Variants in ZCCHC7 observed in about 807,000 individuals in gnomAD.
ZCCHC7 encodes zinc finger CCHC domain-containing protein 7.
Under a neutral mutation model 52.0 loss-of-function variants are expected in ZCCHC7, and 35 were observed. The observed-to-expected ratio is 0.67, with a 90% confidence interval of 0.51 to 0.89. ZCCHC7 has a LOEUF of 0.89. Ranked by LOEUF, ZCCHC7 falls within the 40% of genes least tolerant of loss-of-function variation. ZCCHC7 has a pLI of 0.00. For missense variants in ZCCHC7, 574 were observed against 649.1 expected, an observed-to-expected ratio of 0.88 and a Z score of 1.26; for synonymous variants, 217 against 221.5, an observed-to-expected ratio of 0.98 and a Z score of 0.18.
intron 2 of ZCCHC7, among the ~76,000 whole-genome samples, chr9:37,240,208 A>T (rs1033413007): frequency 6.6e-6 from 1 of 151,940 alleles, no homozygotes; most frequent in Non-Finnish European, 1.5e-5. Flanking sequence ...AACTTTACTT[A>T]CCTTTCCCAT....
At chr9:37,313,118 A>G (rs181575357) in intron 5 of ZCCHC7, among the ~76,000 whole-genome samples, 1 of 152,356 alleles carries the variant, frequency 6.6e-6, no homozygotes, top group East Asian at 1.9e-4. Context: ...TGGAAATAGG[A>G]AAATCAGACT....
At chr9:37,238,418 A>G (rs934395012) in intron 2 of ZCCHC7, among the ~76,000 whole-genome samples, 3 of 151,784 alleles carry the variant, frequency 2.0e-5, no homozygotes, top group Non-Finnish European at 4.4e-5. Flanking sequence ...TTGCTAAGTG[A>G]TTTTTCTTCC....
intron 2 of ZCCHC7, among the ~76,000 whole-genome samples, chr9:37,244,821 C>A (rs561220150): frequency 2.0e-5 from 3 of 151,512 alleles, no homozygotes; most frequent in South Asian, 4.2e-4. Flanking sequence ...TTTTTTAAGT[C>A]AGTAGTGAAG....
chr9:37,159,702 G>A (rs1257901840), intron 2 of ZCCHC7, among the ~76,000 whole-genome samples: 2 of 152,154 alleles, frequency 1.3e-5, no homozygotes, highest in African/African-American at 4.8e-5. Context: ...CCATTTTGAA[G>A]CTACAACAGT....
rs780789628 is a variant in ZCCHC7, at chr9:37,357,290, T to C, written c.*22T>C. The C allele has an allele frequency of 2.6e-5, 41 of 1,558,266 alleles. No individual in the cohort carries two copies. The highest frequency in any genetic ancestry group is 3.4e-5 in the Non-Finnish European group (40 of 1,160,206). ...TTAAGCCGTCAGGCAGCCTCTGATGTGGCTTTTCATTGTTCATTTGGCCTT... is the reference window on the plus strand; with the variant it reads ...TTAAGCCGTCAGGCAGCCTCTGATGCGGCTTTTCATTGTTCATTTGGCCTT... On this transcript the variant is annotated 3_prime_UTR_variant, in exon 9 of 9. Coordinates refer to ENST00000336755, the MANE Select transcript of ZCCHC7 (RefSeq NM_032226.3).
intron 2 of ZCCHC7, among the ~76,000 whole-genome samples, chr9:37,294,020 G>A (rs1828663422): frequency 6.6e-6 from 1 of 152,046 alleles, no homozygotes; most frequent in South Asian, 2.1e-4. Context: ...TGCTTTACTT[G>A]CAAATTCTGC....
chr9:37,193,062 A>G (rs1478187951), intron 2 of ZCCHC7, among the ~76,000 whole-genome samples: 2 of 152,206 alleles, frequency 1.3e-5, no homozygotes, highest in Non-Finnish European at 2.9e-5. Flanking sequence ...TTTTAACCTC[A>G]AATAGAAATG....
chr9:37,138,217 A>G (rs941920835), intron 2 of ZCCHC7, among the ~76,000 whole-genome samples: 1 of 152,186 alleles, frequency 6.6e-6, no homozygotes, highest in African/African-American at 2.4e-5. Context: ...TGAAGTTGTC[A>G]TAGGGAGAGA....
At chr9:37,298,676 T>TTG in intron 2 of ZCCHC7, among the ~76,000 whole-genome samples, 1 of 152,306 alleles carries the variant, frequency 6.6e-6, no homozygotes, top group South Asian at 2.1e-4. Flanking sequence ...ATGGAAATGT[T>TTG]CTACATTTGA....
At chr9:37,265,321 C>A (rs933972079) in intron 2 of ZCCHC7, among the ~76,000 whole-genome samples, 1 of 152,048 alleles carries the variant, frequency 6.6e-6, no homozygotes, top group Admixed American at 6.5e-5. Context: ...GTATTCTTTA[C>A]TTCCTAGGAT....
chr9:37,272,509 A>AG (rs1175342991), intron 2 of ZCCHC7, among the ~76,000 whole-genome samples: 1 of 150,932 alleles, frequency 6.6e-6, no homozygotes, highest in Non-Finnish European at 1.5e-5. Context: ...AAAAAAAAAA[A>AG]AAAAAGAAAG....
At chr9:37,336,594 G>A (rs531384203) in intron 6 of ZCCHC7, among the ~76,000 whole-genome samples, 195 of 152,200 alleles carry the variant, frequency 1.3e-3, no homozygotes, top group Non-Finnish European at 2.3e-3. Flanking sequence ...GCTAATAAAC[G>A]TAATAGAGCT....
At chr9:37,335,549 C>G (rs977638966) in intron 6 of ZCCHC7, among the ~76,000 whole-genome samples, 1 of 152,118 alleles carries the variant, frequency 6.6e-6, no homozygotes, top group African/African-American at 2.4e-5. Flanking sequence ...ACAGACAGAG[C>G]ATGTTAAACA....
chr9:37,302,059 T>A (rs551243782), intron 2 of ZCCHC7, 129 bp from the exon 3 acceptor site: 2 of 724,876 alleles, frequency 2.8e-6, no homozygotes, highest in Admixed American at 2.5e-5. Flanking sequence ...AATAGGAATT[T>A]CAGGTATTCA....
At chr9:37,151,097 T>G (rs1820496097) in intron 2 of ZCCHC7, among the ~76,000 whole-genome samples, 2 of 151,810 alleles carry the variant, frequency 1.3e-5, no homozygotes, top group African/African-American at 2.4e-5. Flanking sequence ...CCCGAGTAGC[T>G]GGGACTACAG....
At chr9:37,295,467 A>T (rs2133658375) in intron 2 of ZCCHC7, among the ~76,000 whole-genome samples, 1 of 152,346 alleles carries the variant, frequency 6.6e-6, no homozygotes, top group East Asian at 1.9e-4. Context: ...TTACTTAAGT[A>T]GCAGTGGAAT....
At chr9:37,175,782 C>A (rs1821991032) in intron 2 of ZCCHC7, among the ~76,000 whole-genome samples, 1 of 152,104 alleles carries the variant, frequency 6.6e-6, no homozygotes, top group Admixed American at 6.5e-5. Flanking sequence ...TTGCCTCATT[C>A]CCCACAAAAT....
chr9:37,343,900 A>T lies in ZCCHC7; in HGVS notation c.988-5457A>T, dbSNP rs765953019. 2.0e-5 allele frequency among the ~76,000 whole-genome samples: 3 copies of T among 152,244 alleles called. No homozygotes were observed. The East Asian group carries it at 5.8e-4, about 29-fold the overall frequency. ...ATGAAATCAACCATAGAAAATTTGT[A>T]AACTAATATGTGTGCCTGTGTTCCA... is the stretch of plus-strand genomic sequence containing the variant. On this transcript the variant is annotated intron_variant, in intron 6 of 8. Transcript: ENST00000336755.
At chr9:37,301,434 C>CA (rs962721750) in intron 2 of ZCCHC7, among the ~76,000 whole-genome samples, 3 of 151,812 alleles carry the variant, frequency 2.0e-5, no homozygotes, top group Non-Finnish European at 4.4e-5. Flanking sequence ...CTGTCTCTAC[C>CA]AAAAAAATTA....
Sources: gnomAD v4.1 joint callset for allele counts (sites outside exome capture counted in the v4.1 genomes callset) on GRCh38, gnomAD v4.1.1 for gene constraint, MANE v1.5 for transcripts, NCBI Gene and HGNC (gene_info 2026-07-23, HGNC 2026-07-21) for gene names.